Variants in CDK19 observed in about 807,000 individuals in gnomAD.
The protein encoded by CDK19 is cyclin dependent kinase 19, also known as cyclin-dependent kinase 19.
Under a neutral mutation model 68.3 loss-of-function variants are expected in CDK19, and 20 were observed. The observed-to-expected ratio is 0.29, with a 90% CI of 0.21 to 0.43. The LOEUF is 0.43. Among genes scored for constraint, CDK19 ranks in the 20% least tolerant of loss-of-function variants. The pLI is 1.00. For synonymous variants in CDK19, 221 were observed against 222.8 expected (o/e 0.99, Z 0.07); for missense variants, 339 against 623.5 (o/e 0.54, Z 4.86).
At chr6:110,808,304 G>C (rs528044539) in intron 1 of CDK19, among the ~76,000 whole-genome samples, 1 of 152,282 alleles carries the variant, frequency 6.6e-6, no homozygotes, top group South Asian at 2.1e-4. Context: ...AACATTTTCA[G>C]ATCACTGCAG....
chr6:110,671,924 C>G (rs944711079), intron 2 of CDK19, among the ~76,000 whole-genome samples: 1 of 152,054 alleles, frequency 6.6e-6, no homozygotes, highest in Non-Finnish European at 1.5e-5. Context: ...ATTACAGGTA[C>G]GCACCACCAT....
At chr6:110,714,648 ATAAT>A (rs1775224002) in intron 2 of CDK19, among the ~76,000 whole-genome samples, 2 of 151,438 alleles carry the variant, frequency 1.3e-5, no homozygotes, top group African/African-American at 2.4e-5. Flanking sequence ...TCTTTTCCTA[ATAAT>A]TAATGACGTT....
chr6:110,768,419 A>G, intron 1 of CDK19, among the ~76,000 whole-genome samples: 1 of 152,248 alleles, frequency 6.6e-6, no homozygotes, highest in Non-Finnish European at 1.5e-5. Flanking sequence ...AAACATGTCT[A>G]AAGAAAAACC....
At chr6:110,682,512 T>C (rs1327879763) in intron 2 of CDK19, among the ~76,000 whole-genome samples, 1 of 152,170 alleles carries the variant, frequency 6.6e-6, no homozygotes, top group Non-Finnish European at 1.5e-5. Context: ...AGATTCATCA[T>C]AACCTTCCAG....
Position 110,611,932 on chromosome 6 carries a change from A to C in CDK19, c.*2603T>G, listed in dbSNP as rs994120355. The C allele has an allele frequency of 6.6e-6, 1 of 152,244 alleles. No individual in the cohort carries two copies. The highest frequency in any genetic ancestry group is 1.5e-5 in the Non-Finnish European group (1 of 68,058). 9.4% of individuals were successfully genotyped at this position (152,244 alleles called of 1,614,324 possible). A position where few individuals can be genotyped will look rare whatever the true frequency, so the allele number is the denominator to read the frequency against. On this transcript the variant is annotated 3_prime_UTR_variant, in exon 13 of 13. Coordinates refer to ENST00000368911, the MANE Select transcript of CDK19 (RefSeq NM_015076.5). ...AGTACCAGTGCAGGGATAGGAACTC[A>C]GTCATGTGTGGAATGGAGATTTCTG...
intron 2 of CDK19, among the ~76,000 whole-genome samples, chr6:110,689,901 G>A (rs1334946642): frequency 6.6e-6 from 1 of 152,060 alleles, no homozygotes; most frequent in Non-Finnish European, 1.5e-5. Flanking sequence ...CTAGGGGAAG[G>A]GGAAGTGCAC....
chr6:110,668,828 G>A (rs1412979928), intron 3 of CDK19, among the ~76,000 whole-genome samples: 2 of 141,570 alleles, frequency 1.4e-5, no homozygotes, highest in Non-Finnish European at 3.1e-5. Flanking sequence ...GTGAAACTCC[G>A]TTTCAAAAAA....
intron 5 of CDK19, among the ~76,000 whole-genome samples, chr6:110,635,850 C>A (rs750666854): frequency 6.6e-6 from 1 of 152,162 alleles, no homozygotes; most frequent in Non-Finnish European, 1.5e-5. Flanking sequence ...CTATCCTTTT[C>A]TTTTAAGCAA....
At chr6:110,636,368 G>A (rs912751766) in intron 5 of CDK19, among the ~76,000 whole-genome samples, 2 of 152,222 alleles carry the variant, frequency 1.3e-5, no homozygotes, top group Admixed American at 6.5e-5. Flanking sequence ...TAATTTTAGA[G>A]GGAAGCCATG....
At chr6:110,674,901 C>CA (rs113776673) in intron 2 of CDK19, among the ~76,000 whole-genome samples, 1,964 of 92,072 alleles carry the variant, frequency 0.021, 36 homozygotes, top group African/African-American at 0.059. Context: ...GACTCTGTCT[C>CA]AAAAAAAAAA....
At chr6:110,688,045 AC>A (rs1261007741) in intron 2 of CDK19, among the ~76,000 whole-genome samples, 1 of 152,146 alleles carries the variant, frequency 6.6e-6, no homozygotes, top group African/African-American at 2.4e-5. Flanking sequence ...ATACTTCGAT[AC>A]ACTTCAAACA....
intron 1 of CDK19, among the ~76,000 whole-genome samples, chr6:110,768,452 C>G (rs189276274): frequency 6.6e-6 from 1 of 152,192 alleles, no homozygotes; most frequent in African/African-American, 2.4e-5. Flanking sequence ...TTTATAGCAG[C>G]TTTACTCATA....
At chr6:110,651,589 C>T (rs950004278) in intron 4 of CDK19, among the ~76,000 whole-genome samples, 2 of 152,030 alleles carry the variant, frequency 1.3e-5, no homozygotes, top group South Asian at 4.1e-4. Context: ...CATTCGTATT[C>T]CTGGATTTGG....
rs1347007822 is a variant in CDK19 at position 110,621,225 on chromosome 6, G to A, written c.1256C>T (p.Thr419Ile). 6.2e-7 allele frequency: 1 copy of A among 1,613,378 alleles called. No individual in the cohort carries two copies. The highest frequency in any genetic ancestry group is 8.5e-7 in the Non-Finnish European group (1 of 1,179,984). ...CTGGCTGTGCTGCAACCCTGCTCCG[G>A]TGCCCCCGACCCCGGCCCCAGCCCC... ...AGGAGAGVGG[T>I]GAGLQHSQDS... The change falls in exon 12 of 13, where the codon ACC (threonine) becomes ATC (isoleucine). Residue 419 changes from threonine to isoleucine, a missense_variant. Thr to Ile is a moderately conservative substitution (Grantham distance 89). This residue lies in a region of CDK19 where 155 missense variants were observed against 222.7 expected (regional missense o/e 0.70). Transcript: ENST00000368911. The surrounding 1 kb of genome is among the most constrained non-coding windows in gnomAD (Gnocchi z 5.4).
intron 1 of CDK19, among the ~76,000 whole-genome samples, chr6:110,747,438 T>C (rs1216557308): frequency 6.6e-6 from 1 of 152,178 alleles, no homozygotes; most frequent in Admixed American, 6.5e-5. Context: ...GTCAACAAGA[T>C]GGACTATGAT....
At chr6:110,737,312 A>G (rs996670118) in intron 2 of CDK19, among the ~76,000 whole-genome samples, 3 of 152,250 alleles carry the variant, frequency 2.0e-5, no homozygotes, top group African/African-American at 7.2e-5. Flanking sequence ...AAAAGTGAGT[A>G]ACACAAAAGT....
intron 4 of CDK19, among the ~76,000 whole-genome samples, chr6:110,662,966 A>G (rs1781708221): frequency 6.6e-6 from 1 of 152,210 alleles, no homozygotes; most frequent in Non-Finnish European, 1.5e-5. Flanking sequence ...TTCGAATGAC[A>G]TAATTAAAAT....
intron 4 of CDK19, among the ~76,000 whole-genome samples, chr6:110,653,196 C>T (rs1303652241): frequency 1.3e-5 from 2 of 152,148 alleles, no homozygotes; most frequent in African/African-American, 4.8e-5. Flanking sequence ...TCCATCATTT[C>T]ATCTTTCTTA....
chr6:110,741,147 A>T (rs1440375617), intron 2 of CDK19, among the ~76,000 whole-genome samples: 1 of 152,094 alleles, frequency 6.6e-6, no homozygotes, highest in Non-Finnish European at 1.5e-5. Context: ...AAAGGAAAGA[A>T]AGATTATGTG....
Sources: allele counts gnomAD v4.1 joint callset (sites outside exome capture counted in the v4.1 genomes callset), GRCh38; gene constraint gnomAD v4.1.1; regional missense constraint gnomAD v4.1.1; non-coding constraint Gnocchi (gnomAD v3.1); transcripts MANE v1.5; gene names NCBI Gene and HGNC (gene_info 2026-07-23, HGNC 2026-07-21).